Variants in CEP290 observed in about 807,000 individuals in gnomAD.
CEP290 encodes centrosomal protein 290.
CEP290 carries 317 observed loss-of-function variants against 344.9 expected under a neutral mutation model. The ratio of observed to expected loss-of-function variants is 0.92; its 90% CI spans 0.84 to 1.01. The LOEUF (loss-of-function observed/expected upper bound fraction) is 1.01, where lower values mean the gene tolerates loss of function less well. Ranked by LOEUF, CEP290 falls within the 50% of genes least tolerant of loss-of-function variation. The pLI is 0.00. For synonymous variants in CEP290, 932 were observed against 895.8 expected (o/e 1.04, Z -0.72); for missense variants, 2,754 against 2,761.4 (o/e 1.00, Z 0.06).
Position 88,118,763 on chromosome 12 carries a change from A to G in CEP290, c.1523-20T>C, listed in dbSNP as rs773766034. ...CAAGGCCTACAATAGAAAGCAATAT[A>G]ATTAAAAACTTAAAAACATTCAAAT... is the stretch of plus-strand genomic sequence containing the variant. On this transcript the variant is annotated intron_variant, in intron 15 of 53. Coordinates refer to ENST00000552810, the MANE Select transcript of CEP290 (RefSeq NM_025114.4). 2 of 1,556,096 alleles carry G rather than the reference A, an allele frequency of 1.3e-6. No individual in the cohort carries two copies. Among genetic ancestry groups the G allele is most frequent in the Non-Finnish European group, 1.7e-6 (2 of 1,142,876 alleles).
At position 88,090,851 on chromosome 12, in the gene CEP290, T is replaced by C. The variant is rs778134699; in HGVS notation, c.3462-12A>G. 1.7e-5 allele frequency: 25 copies of C among 1,492,648 alleles called. No individual in the cohort carries two copies. Among genetic ancestry groups the C allele is most frequent in the Non-Finnish European group, 2.2e-5 (24 of 1,096,042 alleles). 92.5% of individuals were successfully genotyped at this position (1,492,648 alleles called of 1,614,324 possible). A position where few individuals can be genotyped will look rare whatever the true frequency, so the allele number is the denominator to read the frequency against. ...AAATCTCTCTCAGTCTAGGAAATGA[T>C]AAGGTATTTCAGGAACAATTAAGTA... On this transcript the variant is annotated splice_polypyrimidine_tract_variant and intron_variant, in intron 29 of 53. Coordinates refer to ENST00000552810, the MANE Select transcript of CEP290 (RefSeq NM_025114.4).
At chr12:88,124,289 G>T (rs2039595785) in intron 13 of CEP290, among the ~76,000 whole-genome samples, 3 of 152,012 alleles carry the variant, frequency 2.0e-5, no homozygotes. Context: ...CAGCCAAAAA[G>T]ACTTCTTTGT....
intron 23 of CEP290, among the ~76,000 whole-genome samples, chr12:88,108,063 C>T (rs557566383): frequency 4.0e-5 from 6 of 151,864 alleles, no homozygotes; most frequent in Non-Finnish European, 8.8e-5. Context: ...ATATAGAACA[C>T]CATGTTGTAT....
rs902222606 is a variant in CEP290 at position 88,075,048 on chromosome 12, C to T, written c.5709+2174G>A. On this transcript the variant is annotated intron_variant, in intron 41 of 53. Coordinates refer to ENST00000552810, the MANE Select transcript of CEP290 (RefSeq NM_025114.4). ...GGGGATGTGGGAACTTCGGAAGTCACGGAGGCCTGGACTTGTGATTTGATC... is the reference window on the plus strand; with the variant it reads ...GGGGATGTGGGAACTTCGGAAGTCATGGAGGCCTGGACTTGTGATTTGATC... 3.9e-5 allele frequency among the ~76,000 whole-genome samples: 6 copies of T among 152,104 alleles called. 1 individual carries two copies. Among genetic ancestry groups the T allele is most frequent in the East Asian group, 3.9e-4 (2 of 5,180 alleles).
intron 20 of CEP290, among the ~76,000 whole-genome samples, chr12:88,113,149 C>T (rs931527937): frequency 6.6e-6 from 1 of 152,018 alleles, no homozygotes; most frequent in African/African-American, 2.4e-5. Flanking sequence ...CAAACAGTGG[C>T]TTCAGGAAGG....
intron 11 of CEP290, among the ~76,000 whole-genome samples, chr12:88,127,518 A>G (rs2039806880): frequency 6.6e-6 from 1 of 152,130 alleles, no homozygotes; most frequent in African/African-American, 2.4e-5. Flanking sequence ...AAACAAAACA[A>G]GATATTAGGA....
chr12:88,050,914 ATAAG>A (rs1327933269), intron 52 of CEP290, among the ~76,000 whole-genome samples: 2 of 152,286 alleles, frequency 1.3e-5, no homozygotes, highest in African/African-American at 4.8e-5. Flanking sequence ...TAATACAAAG[ATAAG>A]TAAGACATAG....
At chr12:88,121,692 C>T (rs1368417809) in intron 13 of CEP290, among the ~76,000 whole-genome samples, 8 of 151,682 alleles carry the variant, frequency 5.3e-5, no homozygotes, top group Non-Finnish European at 1.0e-4. Flanking sequence ...CTGAAATCCA[C>T]ATGGATATGA....
In CEP290 at chr12:88,060,964, G is replaced by T. The variant is rs1178627897; in HGVS notation, c.6388C>A (p.Leu2130Met). The change falls in exon 47 of 54, where the codon CTG becomes ATG. Residue 2130 changes from leucine to methionine, a missense_variant. Transcript: ENST00000552810. ...TTCATTAAACCAATGGTTTTTTCCA[G>T]TTCTGGGATTGTCTTTCCACTTCTA... The part of the protein sequence containing the change: ...SGRSGKTIPE[L>M]EKTIGLMKKV... The T allele has an allele frequency of 6.4e-6, 10 of 1,560,374 alleles. No homozygotes were observed. Among genetic ancestry groups the T allele is most frequent in the South Asian group, 1.2e-5 (1 of 82,794 alleles).
chr12:88,062,616 A>T (rs1429316942), intron 46 of CEP290, 76 bp downstream of exon 46: 6 of 931,000 alleles, frequency 6.4e-6, no homozygotes, highest in Non-Finnish European at 1.0e-5. Flanking sequence ...CAGTACTTTT[A>T]CAACATATCT....
intron 13 of CEP290, among the ~76,000 whole-genome samples, chr12:88,125,035 C>A (rs2039645457): frequency 1.3e-5 from 2 of 151,408 alleles, no homozygotes; most frequent in South Asian, 4.2e-4. Context: ...GTAATTTTCA[C>A]CAGAGGAGAA....
intron 5 of CEP290, among the ~76,000 whole-genome samples, chr12:88,137,425 T>C (rs2040407876): frequency 6.6e-6 from 1 of 152,238 alleles, no homozygotes; most frequent in Non-Finnish European, 1.5e-5. Context: ...TTAAGATTTG[T>C]AGCCGATTAA....
chr12:88,133,151 C>G (rs1031470710), intron 6 of CEP290, among the ~76,000 whole-genome samples: 1 of 150,358 alleles, frequency 6.7e-6, no homozygotes. Flanking sequence ...TCTCAGCTCA[C>G]TGCAACCTCT....
intron 11 of CEP290, among the ~76,000 whole-genome samples, chr12:88,127,630 T>C (rs2039814270): frequency 6.6e-6 from 1 of 151,982 alleles, no homozygotes. Flanking sequence ...TAAAAAGAAA[T>C]ATTTCACAGC....
chr12:88,084,220 T>A (rs2036405533), intron 35 of CEP290, among the ~76,000 whole-genome samples: 1 of 152,086 alleles, frequency 6.6e-6, no homozygotes, highest in Admixed American at 6.6e-5. Flanking sequence ...CTAGAAAAAA[T>A]TAAATGTTAG....
chr12:88,088,960 C>T, intron 31 of CEP290, 72 bp downstream of exon 31: 2 of 1,106,560 alleles, frequency 1.8e-6, no homozygotes, highest in Admixed American at 3.0e-5. Flanking sequence ...ATGTTTGCAC[C>T]ACTGAACTCC....
rs2033934558 is a variant in CEP290, at chr12:88,055,605, T to G, written c.6931A>C (p.Asn2311His). 1 of 1,580,282 alleles carries G rather than the reference T, an allele frequency of 6.3e-7. No individual in the cohort carries two copies. Among genetic ancestry groups the G allele is most frequent in the Non-Finnish European group, 8.6e-7 (1 of 1,162,972 alleles). ...KEATEREQKV[N>H]KYNEDLEQQI... ...TGTTCAAGGTCTTCATTGTATTTGTTAACTTTTTGTTCTCTCTCTGTTGCT... is the reference window on the plus strand; with the variant it reads ...TGTTCAAGGTCTTCATTGTATTTGTGAACTTTTTGTTCTCTCTCTGTTGCT... The change falls in exon 50 of 54, where the codon AAC (asparagine) becomes CAC (histidine). Residue 2311 changes from asparagine (N) to histidine (H), a missense_variant. By Grantham distance (68) the Asn-to-His change is moderately conservative. Coordinates refer to ENST00000552810, the MANE Select transcript of CEP290 (RefSeq NM_025114.4).
At position 88,118,681 on chromosome 12, in the gene CEP290, G is replaced by A. The variant is rs1325063481; in HGVS notation, c.1585C>T (p.Gln529Ter). The A allele has an allele frequency of 6.2e-7, 1 of 1,613,374 alleles. No individual in the cohort carries two copies. Among genetic ancestry groups the A allele is most frequent in the South Asian group, 1.1e-5 (1 of 91,046 alleles). The change falls in exon 16 of 54, where the codon CAG becomes TAG. Residue 529 changes from glutamine to a stop codon, truncating the protein, a stop_gained. Coordinates refer to ENST00000552810, the MANE Select transcript of CEP290 (RefSeq NM_025114.4). LOFTEE classifies it high-confidence loss of function. ...ATCTGGTTTTCAGCTCTGTACTGCT[G>A]CTGTTTTAAGTGTTTGCTATTTCTA... ...EFRNSKHLKQ[Q>*]QYRAENQILL...
chr12:88,078,804 T>C (rs967233571), intron 39 of CEP290, among the ~76,000 whole-genome samples: 2 of 152,036 alleles, frequency 1.3e-5, no homozygotes, highest in Non-Finnish European at 2.9e-5. Context: ...TCTAAAAAAA[T>C]AATAAAGTCT....
Sources: gnomAD v4.1 joint callset for allele counts (sites outside exome capture counted in the v4.1 genomes callset) on GRCh38, gnomAD v4.1.1 for gene constraint, MANE v1.5 for transcripts, NCBI Gene and HGNC (gene_info 2026-07-23, HGNC 2026-07-21) for gene names.